ZFYVE26: variants seen among roughly 807,000 people sequenced by gnomAD.
ZFYVE26 encodes zinc finger FYVE-type containing 26.
ZFYVE26 carries 181 observed loss-of-function variants against 276.5 expected under a neutral mutation model. The ratio of observed to expected loss-of-function variants is 0.65; its 90% confidence interval spans 0.58 to 0.74. The LOEUF (loss-of-function observed/expected upper bound fraction) is 0.74, where lower values mean the gene tolerates loss of function less well. ZFYVE26 is among the 30% of genes least tolerant of loss of function. The pLI, the probability that ZFYVE26 is intolerant of heterozygous loss-of-function variation, is 0.00. For synonymous variants in ZFYVE26, 1,129 were observed against 1,203.1 expected (o/e 0.94, Z 1.27); for missense variants, 2,821 against 3,097.9 (o/e 0.91, Z 2.12).
intron 28 of ZFYVE26, among the ~76,000 whole-genome samples, chr14:67,770,865 C>T (rs1051568679): frequency 6.6e-6 from 1 of 152,096 alleles, no homozygotes; most frequent in Non-Finnish European, 1.5e-5. Context: ...CTTTTGGTGG[C>T]TTGTCATATG....
At chr14:67,788,382 C>T (rs534139433) in intron 16 of ZFYVE26, among the ~76,000 whole-genome samples, 2 of 152,252 alleles carry the variant, frequency 1.3e-5, no homozygotes, top group African/African-American at 4.8e-5. Flanking sequence ...GGGGACAGAG[C>T]GAGATTCTAT....
chr14:67,759,889 A>G (rs2038888848), intron 35 of ZFYVE26, among the ~76,000 whole-genome samples: 1 of 152,200 alleles, frequency 6.6e-6, no homozygotes, highest in Admixed American at 6.5e-5. Context: ...GCAAAGGGAC[A>G]AAATACACAG....
At chr14:67,750,901 C>A in intron 41 of ZFYVE26, 151 bp downstream of exon 41, 1 of 965,260 alleles carries the variant, frequency 1.0e-6, no homozygotes, top group East Asian at 2.4e-5. Flanking sequence ...TTTCTACACC[C>A]CTATCCAAGC....
chr14:67,790,645 C>T lies in ZFYVE26; in HGVS notation c.2682G>A (p.Ala894=), dbSNP rs375046805. ...CAGTTCTCCGAATGGTGCTGCTACC[C>T]GCATCTGAGTTCTGGTTTTCAATCT... ...EHKIENQNSD[A]GSSTIRRTGS... The change falls in exon 15 of 42, where the codon GCG becomes GCA. Residue 894 remains alanine (A), a synonymous_variant. Transcript: ENST00000347230. 24 of 1,614,142 alleles carry T rather than the reference C, an allele frequency of 1.5e-5. No individual in the cohort carries two copies. The African/African-American group carries it at 1.6e-4, about 11-fold the overall frequency.
At chr14:67,744,397 AATTT>A (rs1336286437), downstream of ZFYVE26, among the ~76,000 whole-genome samples, 9 of 151,892 alleles carry the variant, frequency 5.9e-5, no homozygotes, top group Admixed American at 1.3e-4. Context: ...TTAATTTTTA[AATTT>A]ATTTATTATT....
chr14:67,749,035 C>A (rs914315969), intron 41 of ZFYVE26, among the ~76,000 whole-genome samples: 4 of 152,130 alleles, frequency 2.6e-5, no homozygotes, highest in African/African-American at 9.7e-5. Flanking sequence ...TTGGTTATGC[C>A]TGTCTCCTTG....
At chr14:67,808,401 A>C (rs1318520868) in intron 4 of ZFYVE26, among the ~76,000 whole-genome samples, 1 of 152,150 alleles carries the variant, frequency 6.6e-6, no homozygotes, top group Non-Finnish European at 1.5e-5. Context: ...CTACTACAAA[A>C]ACCTTCTCCA....
chr14:67,783,622 T>A, intron 20 of ZFYVE26, 97 bp from the exon 21 acceptor site: 1 of 1,476,660 alleles, frequency 6.8e-7, no homozygotes, highest in African/African-American at 1.4e-5. Flanking sequence ...CAAATGTAAA[T>A]AAAAGTTCCT....
rs774165141 is a variant in ZFYVE26 at position 67,798,082 on chromosome 14, T to G, written c.2180A>C (p.His727Pro). The change falls in exon 11 of 42, where the codon CAT (histidine) becomes CCT (proline). Residue 727 changes from histidine to proline, a missense_variant. Coordinates refer to ENST00000347230, the MANE Select transcript of ZFYVE26 (RefSeq NM_015346.4). ...CTCAGAGACAACCTTGGAAAGTCGA[T>G]GCAGGCGGCTCTGCAGTCCATCTCT... ...GSRDGLQSRL[H>P]RLSKVVSEAQ... The G allele has an allele frequency of 6.2e-7, 1 of 1,614,206 alleles. No homozygotes were observed. The highest frequency in any genetic ancestry group is 8.5e-7 in the Non-Finnish European group (1 of 1,180,032).
Position 67,777,733 on chromosome 14 carries a change from G to A in ZFYVE26, c.4800C>T (p.Leu1600=). 2 of 1,614,144 alleles carry A rather than the reference G, an allele frequency of 1.2e-6. No individual in the cohort carries two copies. Among genetic ancestry groups the A allele is most frequent in the Non-Finnish European group, 1.7e-6 (2 of 1,180,022 alleles). The change falls in exon 25 of 42, where the codon CTC becomes CTT. Residue 1600 remains leucine, a splice_region_variant and synonymous_variant. Transcript: ENST00000347230. ...ERRDHDKALQ[L]LRRIPDPTMC... ...TGGTGGGGTCAGGGATTCTTCGCAG[G>A]AGCTATTGTCAAAGGGTAGAGGAGG...
At chr14:67,757,958 A>C (rs1489224307) in intron 35 of ZFYVE26, among the ~76,000 whole-genome samples, 1 of 151,778 alleles carries the variant, frequency 6.6e-6, no homozygotes, top group Non-Finnish European at 1.5e-5. Flanking sequence ...CAAGTGATCC[A>C]CCCACCTCAG....
chr14:67,783,604 T>G, intron 20 of ZFYVE26, 79 bp from the exon 21 acceptor site: 1 of 1,562,828 alleles, frequency 6.4e-7, no homozygotes, highest in South Asian at 1.1e-5. Context: ...TCTTTATGCT[T>G]ACATGAGCAA....
At chr14:67,793,868 A>C in intron 13 of ZFYVE26, 109 bp from the exon 14 acceptor site, 2 of 1,450,154 alleles carry the variant, frequency 1.4e-6, no homozygotes, top group African/African-American at 2.8e-5. Flanking sequence ...TCCTTCTGTA[A>C]AAGGCCTGTA....
rs759378240 is a variant in ZFYVE26, at chr14:67,761,413, C to T, written c.6541G>A (p.Val2181Met). ...GCTTCCCGCAGGCAGCTGTGCCTCA[C>T]GTAGAAGCTGATGATGGCCAGGTTG... The part of the protein sequence containing the change: ...STNLAIISFY[V>M]RHSCLREALL... Residue 2181 changes from valine (V) to methionine (M), a missense_variant, in exon 35 of 42, where the codon GTG (valine) becomes ATG (methionine). Coordinates refer to ENST00000347230, the MANE Select transcript of ZFYVE26 (RefSeq NM_015346.4). 18 of 1,613,888 alleles carry T rather than the reference C, an allele frequency of 1.1e-5. 1 individual carries two copies. The highest frequency in any genetic ancestry group is 8.3e-5 in the Admixed American group (5 of 59,968).
intron 31 of ZFYVE26, 51 bp from the exon 32 acceptor site, chr14:67,766,498 C>G: frequency 6.4e-7 from 1 of 1,572,328 alleles, no homozygotes; most frequent in Non-Finnish European, 8.7e-7. Flanking sequence ...GGGGCCAGAG[C>G]ATTCTCCAAA....
In ZFYVE26 at chr14:67,755,085, A is replaced by G; in HGVS notation, c.6952T>C (p.Phe2318Leu). 1 of 1,614,070 alleles carries G rather than the reference A, an allele frequency of 6.2e-7. No homozygotes were observed. Among genetic ancestry groups the G allele is most frequent in the Non-Finnish European group, 8.5e-7 (1 of 1,180,016 alleles). ...RSSGRKKTTF[F>L]RKKMTAADVS... ...TCAGCTGCAGTCATCTTCTTTCTGAAGAATGTGGTTTTCTTCCTTCCAGAG... is the reference window on the plus strand; with the variant it reads ...TCAGCTGCAGTCATCTTCTTTCTGAGGAATGTGGTTTTCTTCCTTCCAGAG... Residue 2318 changes from phenylalanine to leucine, a missense_variant, in exon 37 of 42, where the codon TTC becomes CTC. Physicochemically the swap from Phe to Leu is conservative, Grantham distance 22. Transcript: ENST00000347230.
intron 5 of ZFYVE26, 142 bp downstream of exon 5, chr14:67,807,256 G>T: frequency 9.1e-7 from 1 of 1,094,246 alleles, no homozygotes; most frequent in Non-Finnish European, 1.3e-6. Flanking sequence ...GTACTTTTAC[G>T]AAAGAGCATC....
chr14:67,760,632 G>A (rs530281922), intron 35 of ZFYVE26: 1 of 154,148 alleles, frequency 6.5e-6, no homozygotes, highest in East Asian at 1.9e-4. Context: ...GTAGGATGAG[G>A]TTGGAGGATT....
At chr14:67,771,473 AATTACATCACC>A (rs1192006595) in intron 28 of ZFYVE26, among the ~76,000 whole-genome samples, 1 of 152,228 alleles carries the variant, frequency 6.6e-6, no homozygotes, top group African/African-American at 2.4e-5. Context: ...GACACAGAGC[AATTACATCACC>A]ATCGTTTTCA....
Sources: gnomAD v4.1 joint callset for allele counts (sites outside exome capture counted in the v4.1 genomes callset) on GRCh38, gnomAD v4.1.1 for gene constraint, MANE v1.5 for transcripts, NCBI Gene and HGNC (gene_info 2026-07-23, HGNC 2026-07-21) for gene names.